Variants in PRKCQ observed in about 807,000 individuals in gnomAD.
PRKCQ encodes the protein protein kinase C theta type.
In PRKCQ, 41 loss-of-function variants were observed where a neutral mutation model predicts 91.2. The ratio of observed to expected loss-of-function variants is 0.45; its 90% CI spans 0.35 to 0.58. The LOEUF (loss-of-function observed/expected upper bound fraction) is 0.58, where lower values mean the gene tolerates loss of function less well. Among genes scored for constraint, PRKCQ ranks in the 20% least tolerant of loss-of-function variants. The pLI is 0.00. For synonymous variants in PRKCQ, 307 were observed against 316.9 expected (o/e 0.97, Z 0.33); for missense variants, 673 against 896.5 (o/e 0.75, Z 3.18).
chr10:6,514,654 T>C (rs1394131842), intron 2 of PRKCQ, among the ~76,000 whole-genome samples: 2 of 152,244 alleles, frequency 1.3e-5, no homozygotes, highest in African/African-American at 2.4e-5. Flanking sequence ...TTAATCTACC[T>C]AGACTTATTT....
chr10:6,538,911 G>A (rs1048425180), intron 1 of PRKCQ, among the ~76,000 whole-genome samples: 2 of 151,908 alleles, frequency 1.3e-5, no homozygotes, highest in African/African-American at 2.4e-5. Flanking sequence ...CTACAGGTGC[G>A]CCCCACCACG....
downstream of PRKCQ, among the ~76,000 whole-genome samples, chr10:6,425,752 C>T (rs746484057): frequency 1.5e-4 from 23 of 152,044 alleles, no homozygotes; most frequent in Non-Finnish European, 2.8e-4. Context: ...TCCAGGAGTT[C>T]AAGACCAGCC....
At chr10:6,482,334 C>A (rs187370132) in intron 11 of PRKCQ, among the ~76,000 whole-genome samples, 3 of 152,228 alleles carry the variant, frequency 2.0e-5, no homozygotes, top group African/African-American at 7.2e-5. Context: ...TGTGGTGGCA[C>A]AACTGTAATC....
chr10:6,496,905 TG>T (rs1018557680), intron 7 of PRKCQ, 129 bp downstream of exon 7: 30 of 838,454 alleles, frequency 3.6e-5, no homozygotes, highest in Non-Finnish European at 1.4e-5. Flanking sequence ...GAAAGAGTTT[TG>T]GGGAGATGGA....
intron 16 of PRKCQ, among the ~76,000 whole-genome samples, chr10:6,431,679 C>T (rs1833436108): frequency 6.6e-6 from 1 of 152,232 alleles, no homozygotes; most frequent in Admixed American, 6.5e-5. Flanking sequence ...TCTTACAAAG[C>T]TGCATTCTTA....
At chr10:6,485,439 T>A (rs192608609) in intron 9 of PRKCQ, among the ~76,000 whole-genome samples, 170 bp from the exon 10 acceptor site, 2 of 152,354 alleles carry the variant, frequency 1.3e-5, no homozygotes, top group South Asian at 4.1e-4. Context: ...GGAGAGTCTA[T>A]CTACTGTATT....
chr10:6,491,563 C>T, intron 8 of PRKCQ, 120 bp downstream of exon 8: 1 of 1,361,542 alleles, frequency 7.3e-7, no homozygotes, highest in Non-Finnish European at 1.0e-6. Context: ...ATGATCATGA[C>T]TTGTCTGGGC....
At chr10:6,512,535 C>G (rs549567221) in intron 2 of PRKCQ, among the ~76,000 whole-genome samples, 17 of 152,350 alleles carry the variant, frequency 1.1e-4, no homozygotes, top group Admixed American at 2.0e-4. Context: ...ATTCTTTAAT[C>G]ATTTCAGAAG....
At chr10:6,440,680 G>A (rs1322443754) in intron 16 of PRKCQ, among the ~76,000 whole-genome samples, 4 of 152,102 alleles carry the variant, frequency 2.6e-5, no homozygotes, top group South Asian at 2.1e-4. Context: ...AGGAGTCCCA[G>A]CTTTAAAATT....
the PRKCQ span, among the ~76,000 whole-genome samples, chr10:6,395,123 CTGT>C: frequency 2.5e-3 from 334 of 135,184 alleles, 2 homozygotes; most frequent in African/African-American, 8.9e-3. Flanking sequence ...AGTGCAGTGG[CTGT>C]GATCTCGGCT....
intron 7 of PRKCQ, among the ~76,000 whole-genome samples, chr10:6,493,090 G>A (rs993961978): frequency 3.9e-5 from 6 of 152,154 alleles, no homozygotes; most frequent in Non-Finnish European, 5.9e-5. Flanking sequence ...GGACCACTTC[G>A]AATCTTGAAT....
intron 17 of PRKCQ, among the ~76,000 whole-genome samples, chr10:6,429,748 A>G (rs1833314880): frequency 6.7e-6 from 1 of 149,104 alleles, no homozygotes; most frequent in Non-Finnish European, 1.5e-5. Flanking sequence ...AAAAAGTTTT[A>G]TTTTTGGAGA....
At chr10:6,562,279 C>T (rs551715594) in intron 1 of PRKCQ, among the ~76,000 whole-genome samples, 1 of 152,312 alleles carries the variant, frequency 6.6e-6, no homozygotes, top group Admixed American at 6.5e-5. Context: ...TCCTGTCTCC[C>T]TCACAAGTTT....
chr10:6,538,276 C>T (rs952965623), intron 1 of PRKCQ, among the ~76,000 whole-genome samples: 5 of 152,370 alleles, frequency 3.3e-5, no homozygotes, highest in Admixed American at 6.5e-5. Context: ...TGTCAGAAGA[C>T]GGGTATGCCA....
intron 1 of PRKCQ, among the ~76,000 whole-genome samples, chr10:6,539,756 T>C (rs1204507924): frequency 6.6e-6 from 1 of 152,172 alleles, no homozygotes. Context: ...ACCGCTGCTT[T>C]AGAGAACTCA....
chr10:6,561,196 CT>C (rs200444856), intron 1 of PRKCQ, among the ~76,000 whole-genome samples: 1,565 of 151,690 alleles, frequency 0.01, 24 homozygotes, highest in African/African-American at 0.037. Context: ...CACAGCGAAA[CT>C]GTGTCTCTAC....
chr10:6,572,723 T>C (rs1841090689), intron 1 of PRKCQ, among the ~76,000 whole-genome samples: 1 of 152,238 alleles, frequency 6.6e-6, no homozygotes. Context: ...AACAGAATGG[T>C]TTATATTCCT....
At chr10:6,460,429 T>A (rs1476052274) in intron 14 of PRKCQ, among the ~76,000 whole-genome samples, 1 of 151,904 alleles carries the variant, frequency 6.6e-6, no homozygotes, top group African/African-American at 2.4e-5. Context: ...CAGTCTAAGA[T>A]CTCTGTCTCT....
At chr10:6,545,687 T>C (rs1335534658) in intron 1 of PRKCQ, among the ~76,000 whole-genome samples, 1 of 152,124 alleles carries the variant, frequency 6.6e-6, no homozygotes, top group Non-Finnish European at 1.5e-5. Flanking sequence ...CATAATACTG[T>C]GAATGTTCTC....
Sources: allele counts gnomAD v4.1 joint callset (sites outside exome capture counted in the v4.1 genomes callset), GRCh38; gene constraint gnomAD v4.1.1; transcripts MANE v1.5; gene names NCBI Gene and HGNC (gene_info 2026-07-23, HGNC 2026-07-21).